ADAMTS16: variants seen among roughly 807,000 people sequenced by gnomAD.
ADAMTS16 encodes the protein A disintegrin and metalloproteinase with thrombospondin motifs 16.
Under a neutral mutation model 145.8 loss-of-function variants are expected in ADAMTS16, and 94 were observed. The observed-to-expected ratio is 0.64, with a 90% CI of 0.55 to 0.77. The LOEUF is 0.77. ADAMTS16 is among the 30% of genes least tolerant of loss of function. The pLI, the probability that ADAMTS16 is intolerant of heterozygous loss-of-function variation, is 0.00. For synonymous variants in ADAMTS16, 659 were observed against 604.3 expected, an observed-to-expected ratio of 1.09 and a Z score of -1.33; for missense variants, 1,585 against 1,591.5, an observed-to-expected ratio of 1.00 and a Z score of 0.07.
At chr5:5,151,630 A>T (rs1031562764) in intron 3 of ADAMTS16, among the ~76,000 whole-genome samples, 1 of 119,688 alleles carries the variant, frequency 8.4e-6, no homozygotes, top group Non-Finnish European at 1.9e-5. Context: ...CACAATGAGA[A>T]GATTACTACA....
intron 3 of ADAMTS16, among the ~76,000 whole-genome samples, chr5:5,159,866 A>G (rs1734696111): frequency 6.6e-6 from 1 of 152,212 alleles, no homozygotes. Context: ...GTTATCATAA[A>G]CAAGGGAAGT....
At chr5:5,263,098 C>T (rs1738092600) in intron 18 of ADAMTS16, among the ~76,000 whole-genome samples, 2 of 152,246 alleles carry the variant, frequency 1.3e-5, no homozygotes, top group Admixed American at 6.5e-5. Context: ...ATTCTCTCTG[C>T]TGTCCTGTCC....
chr5:5,195,326 G>C (rs1735773586), intron 8 of ADAMTS16, among the ~76,000 whole-genome samples: 1 of 152,200 alleles, frequency 6.6e-6, no homozygotes, highest in South Asian at 2.1e-4. Flanking sequence ...GATGCACCAA[G>C]GGCTGAACTG....
chr5:5,294,723 T>C (rs1235123348), intron 18 of ADAMTS16, among the ~76,000 whole-genome samples: 1 of 151,956 alleles, frequency 6.6e-6, no homozygotes, highest in Non-Finnish European at 1.5e-5. Context: ...TGCTGGAAAA[T>C]TGGAAAGCCG....
At chr5:5,150,243 T>C (rs1271434445) in intron 3 of ADAMTS16, among the ~76,000 whole-genome samples, 2 of 152,222 alleles carry the variant, frequency 1.3e-5, no homozygotes, top group African/African-American at 4.8e-5. Flanking sequence ...TACGAAGTAG[T>C]ATCCTTTGTG....
In ADAMTS16 at chr5:5,210,680, A is replaced by G. The variant is rs185820988; in HGVS notation, c.1605+1434A>G. ...TAAATTGTATAATATTTCACCATTA[A>G]TAAGTATGATGTTAGCTGCTGGTTT... On this transcript the variant is annotated intron_variant, in intron 10 of 22. Transcript: ENST00000274181. 7.2e-3 allele frequency among the ~76,000 whole-genome samples: 1,090 copies of G among 152,312 alleles called. 6 individuals are homozygous for G. The highest frequency in any genetic ancestry group is 0.012 in the Non-Finnish European group (835 of 68,028).
intron 12 of ADAMTS16, among the ~76,000 whole-genome samples, chr5:5,234,061 T>G (rs1023479409): frequency 3.9e-5 from 6 of 152,238 alleles, no homozygotes; most frequent in Admixed American, 2.6e-4. Context: ...ACATCTCCCT[T>G]TGCCCTTAAG....
At chr5:5,218,427 G>A (rs1351246035) in intron 10 of ADAMTS16, among the ~76,000 whole-genome samples, 4 of 152,142 alleles carry the variant, frequency 2.6e-5, no homozygotes, top group Non-Finnish European at 4.4e-5. Flanking sequence ...AGAGACTGTG[G>A]GGAGCACTCT....
chr5:5,183,547 C>T (rs905741647), intron 4 of ADAMTS16, among the ~76,000 whole-genome samples: 1 of 152,200 alleles, frequency 6.6e-6, no homozygotes. Context: ...CCGTCTTAAC[C>T]GCTTTGACAG....
At chr5:5,182,642 G>T (rs61182960) in intron 4 of ADAMTS16, among the ~76,000 whole-genome samples, 9,591 of 152,058 alleles carry the variant, frequency 0.063, 705 homozygotes, top group African/African-American at 0.18. Context: ...TATTTTTGAG[G>T]TTTAGATTTA....
intron 22 of ADAMTS16, 23 bp from the exon 23 acceptor site, chr5:5,319,000 A>T: frequency 6.4e-7 from 1 of 1,558,038 alleles, no homozygotes; most frequent in Non-Finnish European, 8.8e-7. Flanking sequence ...ATCGCTGAGT[A>T]ATGCAGCTCT....
intron 10 of ADAMTS16, among the ~76,000 whole-genome samples, chr5:5,210,048 AT>A (rs1386960697): frequency 3.3e-5 from 5 of 152,214 alleles, no homozygotes; most frequent in African/African-American, 1.2e-4. Flanking sequence ...CCAAAGATCA[AT>A]TCCAGCTATG....
At chr5:5,242,270 A>C in intron 17 of ADAMTS16, 79 bp downstream of exon 17, 6 of 1,550,840 alleles carry the variant, frequency 3.9e-6, no homozygotes, top group Non-Finnish European at 5.2e-6. Flanking sequence ...GCCTTTCTTG[A>C]ATCCTAATGA....
At chr5:5,199,501 G>A (rs1735899713) in intron 8 of ADAMTS16, among the ~76,000 whole-genome samples, 1 of 152,194 alleles carries the variant, frequency 6.6e-6, no homozygotes, top group African/African-American at 2.4e-5. Flanking sequence ...CAAATAGACA[G>A]ACAGATTCAG....
At chr5:5,174,268 T>C (rs1735127561) in intron 3 of ADAMTS16, among the ~76,000 whole-genome samples, 1 of 152,200 alleles carries the variant, frequency 6.6e-6, no homozygotes, top group South Asian at 2.1e-4. Flanking sequence ...AAATATGTTA[T>C]GCCACTCTTT....
At position 5,164,087 on chromosome 5, in the gene ADAMTS16, TGAGTA is replaced by T. The variant is rs147129841; in HGVS notation, c.501+17633_501+17637del. 9.3e-3 allele frequency among the ~76,000 whole-genome samples: 1,411 copies of T among 152,320 alleles called. 11 individuals are homozygous for T. The highest frequency in any genetic ancestry group is 0.014 in the Non-Finnish European group (961 of 68,034). ...AGATGATTCCCACAGACAAGAGTTC[TGAGTA>T]TCATGGGTAGATATGCAGAAGGCGG... is the stretch of plus-strand genomic sequence containing the variant. On this transcript the variant is annotated intron_variant, in intron 3 of 22. Transcript: ENST00000274181.
chr5:5,153,362 T>C (rs1481543453), intron 3 of ADAMTS16, among the ~76,000 whole-genome samples: 1 of 152,260 alleles, frequency 6.6e-6, no homozygotes, highest in Non-Finnish European at 1.5e-5. Flanking sequence ...CATTCATCTT[T>C]GTATCCCAAA....
At chr5:5,241,536 G>A (rs960503897) in intron 16 of ADAMTS16, among the ~76,000 whole-genome samples, 6 of 152,152 alleles carry the variant, frequency 3.9e-5, no homozygotes, top group Non-Finnish European at 5.9e-5. Context: ...AGTGTCCTGC[G>A]TTATTTGAAT....
At chr5:5,311,996 C>T (rs1047612327) in intron 21 of ADAMTS16, among the ~76,000 whole-genome samples, 7 of 152,106 alleles carry the variant, frequency 4.6e-5, no homozygotes, top group African/African-American at 1.2e-4. Flanking sequence ...GGATTACAGG[C>T]GTGAGCCACT....
Sources: gnomAD v4.1 joint callset for allele counts (sites outside exome capture counted in the v4.1 genomes callset) on GRCh38, gnomAD v4.1.1 for gene constraint, MANE v1.5 for transcripts, NCBI Gene and HGNC (gene_info 2026-07-23, HGNC 2026-07-21) for gene names.